Variants in ANKRD11 observed in about 807,000 individuals in gnomAD.
ANKRD11 encodes ankyrin repeat domain-containing protein 11.
ANKRD11 carries 17 observed loss-of-function variants against 195.7 expected under a neutral mutation model. The observed-to-expected ratio is 0.09, with a 90% CI of 0.06 to 0.13. ANKRD11 has a LOEUF of 0.13. Ranked by LOEUF, ANKRD11 falls within the 10% of genes least tolerant of loss-of-function variation. The pLI is 1.00. For synonymous variants in ANKRD11, 1,953 were observed against 1,528.1 expected, an observed-to-expected ratio of 1.28 and a Z score of -6.49; for missense variants, 3,735 against 3,566.1, an observed-to-expected ratio of 1.05 and a Z score of -1.21.
chr16:89,306,250 T>C (rs1431269923), intron 3 of ANKRD11, among the ~76,000 whole-genome samples: 5 of 28,756 alleles, frequency 1.7e-4, no homozygotes, highest in Non-Finnish European at 2.5e-4. Context: ...CACCTCCCAC[T>C]CCGCAGACAC....
intron 2 of ANKRD11, chr16:89,361,374 G>C (rs1310746741): frequency 2.0e-5 from 3 of 152,736 alleles, no homozygotes; most frequent in African/African-American, 7.2e-5. Context: ...CACTTCTCTG[G>C]GGGCCAGCAC....
intron 2 of ANKRD11, among the ~76,000 whole-genome samples, chr16:89,415,063 C>G (rs1302756502): frequency 6.6e-6 from 1 of 151,798 alleles, no homozygotes; most frequent in Non-Finnish European, 1.5e-5. Flanking sequence ...TTCCTCCCCG[C>G]TCAGCCTCCC....
At chr16:89,394,643 C>A (rs1049113272) in intron 2 of ANKRD11, among the ~76,000 whole-genome samples, 86 of 145,664 alleles carry the variant, frequency 5.9e-4, no homozygotes, top group South Asian at 1.1e-3. Flanking sequence ...AAAAAAAAAA[C>A]AAACAACCTT....
chr16:89,402,477 C>T (rs1475688648), intron 2 of ANKRD11, among the ~76,000 whole-genome samples: 5 of 151,994 alleles, frequency 3.3e-5, no homozygotes, highest in Non-Finnish European at 2.9e-5. Context: ...TCCAAGAGTT[C>T]AAGAGCATCC....
intron 1 of ANKRD11, among the ~76,000 whole-genome samples, chr16:89,471,359 C>G (rs1374430707): frequency 6.6e-6 from 1 of 152,096 alleles, no homozygotes; most frequent in Non-Finnish European, 1.5e-5. Context: ...TCTCACCACT[C>G]AGGAATTCAC....
At chr16:89,314,166 TG>T (rs112476707) in intron 3 of ANKRD11, among the ~76,000 whole-genome samples, 2,573 of 151,816 alleles carry the variant, frequency 0.017, 76 homozygotes, top group African/African-American at 0.06. Context: ...TGGGGCAGGG[TG>T]GGGGGTTATG....
intron 2 of ANKRD11, among the ~76,000 whole-genome samples, chr16:89,318,967 G>A (rs898434674): frequency 3.9e-5 from 6 of 152,198 alleles, no homozygotes; most frequent in African/African-American, 1.4e-4. Context: ...AAACCGGAAT[G>A]TCTCAGCCTG....
chr16:89,274,644 C>T, intron 11 of ANKRD11, 170 bp downstream of exon 11: 1 of 1,035,742 alleles, frequency 9.7e-7, no homozygotes, highest in Non-Finnish European at 1.4e-6. Context: ...TTCTTGGCTC[C>T]TTTCTGAGGC....
chr16:89,386,274 AC>A (rs2040905910), intron 2 of ANKRD11, among the ~76,000 whole-genome samples: 1 of 151,954 alleles, frequency 6.6e-6, no homozygotes, highest in Non-Finnish European at 1.5e-5. Flanking sequence ...AAAATCAGTC[AC>A]TTTTTTTTTT....
chr16:89,393,611 G>A (rs2041298545), intron 2 of ANKRD11, among the ~76,000 whole-genome samples: 1 of 151,872 alleles, frequency 6.6e-6, no homozygotes, highest in African/African-American at 2.4e-5. Context: ...CAAAGTGGTG[G>A]GATTACAGGA....
intron 4 of ANKRD11, among the ~76,000 whole-genome samples, chr16:89,292,313 C>T (rs1271837530): frequency 6.6e-6 from 1 of 152,190 alleles, no homozygotes. Flanking sequence ...ACATCTCTAA[C>T]AACGGACTAA....
chr16:89,284,897 C>T lies in ANKRD11; in HGVS notation c.1645G>A (p.Asp549Asn), dbSNP rs2034536841. 2 of 1,614,062 alleles carry T rather than the reference C, an allele frequency of 1.2e-6. No individual in the cohort carries two copies. The highest frequency in any genetic ancestry group is 8.5e-7 in the Non-Finnish European group (1 of 1,180,056). ...TDQHTKHWRT[D>N]NWKTISSPAW... is the part of the protein sequence containing the mutation. ...GGGGAAGAAATGGTTTTCCAATTGT[C>T]TGTCCGCCAGTGCTTGGTGTGCTGG... The change falls in exon 9 of 13, where the codon GAC (aspartate) becomes AAC (asparagine). Residue 549 changes from aspartate (D) to asparagine (N), a missense_variant. By Grantham distance (23) the Asp-to-Asn change is conservative. Transcript: ENST00000301030.
intron 1 of ANKRD11, among the ~76,000 whole-genome samples, chr16:89,485,582 T>A (rs2057585613): frequency 1.3e-5 from 2 of 152,174 alleles, no homozygotes; most frequent in African/African-American, 4.8e-5. Context: ...CCAAATACCC[T>A]AGCCCCTTAC....
At chr16:89,294,246 T>C (rs1368337513) in intron 4 of ANKRD11, among the ~76,000 whole-genome samples, 1 of 152,162 alleles carries the variant, frequency 6.6e-6, no homozygotes, top group African/African-American at 2.4e-5. Context: ...TGGAAGGTGC[T>C]GCCAACCTCC....
chr16:89,334,051 C>T (rs969419568), intron 2 of ANKRD11, among the ~76,000 whole-genome samples: 4 of 149,658 alleles, frequency 2.7e-5, no homozygotes, highest in Non-Finnish European at 5.9e-5. Context: ...GTGGCTCAAG[C>T]CTGTAAAACA....
chr16:89,286,567 G>T, intron 7 of ANKRD11: 1 of 840,658 alleles, frequency 1.2e-6, no homozygotes, highest in Non-Finnish European at 1.6e-6. Flanking sequence ...GCAGAGTGGT[G>T]CCGGAGTGGT....
chr16:89,281,333 A>G lies in ANKRD11; in HGVS notation c.5209T>C (p.Phe1737Leu). The G allele has an allele frequency of 6.2e-7, 1 of 1,613,568 alleles. No individual in the cohort carries two copies. Among genetic ancestry groups the G allele is most frequent in the Non-Finnish European group, 8.5e-7 (1 of 1,179,632 alleles). ...GAGTGCTGCGAGTCGGCGCAGTCGA[A>G]CACGAGGTCCGCGTAGTCATCGGCG... ...CSADDYADLV[F>L]DCADSQHSTP... Residue 1737 changes from phenylalanine to leucine, a missense_variant, in exon 9 of 13, where the codon TTC (phenylalanine) becomes CTC (leucine). Transcript: ENST00000301030. The surrounding 1 kb of genome is among the most constrained non-coding windows in gnomAD (Gnocchi z 5.5).
At chr16:89,420,705 T>A (rs1451500039) in intron 1 of ANKRD11, among the ~76,000 whole-genome samples, 1 of 152,118 alleles carries the variant, frequency 6.6e-6, no homozygotes, top group Admixed American at 6.5e-5. Context: ...TCTAAAATAT[T>A]TGGAATAAAC....
intron 2 of ANKRD11, among the ~76,000 whole-genome samples, chr16:89,366,544 C>T (rs1361895399): frequency 1.3e-5 from 2 of 152,176 alleles, no homozygotes; most frequent in Admixed American, 6.5e-5. Context: ...GATGGTGTCT[C>T]GCTGTGAGAA....
Sources: allele counts gnomAD v4.1 joint callset (sites outside exome capture counted in the v4.1 genomes callset), GRCh38; gene constraint gnomAD v4.1.1; non-coding constraint Gnocchi (gnomAD v3.1); transcripts MANE v1.5; gene names NCBI Gene and HGNC (gene_info 2026-07-23, HGNC 2026-07-21).